Variants in RNF115 observed in about 807,000 individuals in gnomAD.
The protein encoded by RNF115 is E3 ubiquitin-protein ligase RNF115.
RNF115 carries 31 observed loss-of-function variants against 39.2 expected under a neutral mutation model. The ratio of observed to expected loss-of-function variants is 0.79; its 90% CI spans 0.59 to 1.07. The LOEUF is 1.07. Ranked by LOEUF, RNF115 falls within the 50% of genes least tolerant of loss-of-function variation. The probability of loss-of-function intolerance (pLI) is 0.00; values close to 1 mark genes in which losing one functional copy is unlikely to be tolerated. For missense variants in RNF115, 384 were observed against 381.7 expected (o/e 1.01, Z -0.05); for synonymous variants, 124 against 131.0 (o/e 0.95, Z 0.37).
chr1:145,781,313 A>C (rs1648137878), intron 3 of RNF115, among the ~76,000 whole-genome samples: 1 of 152,212 alleles, frequency 6.6e-6, no homozygotes, highest in Admixed American at 6.5e-5. Context: ...AAAATAGAGC[A>C]AAACTGAGCA....
At chr1:145,796,099 A>G (rs1313056278) in intron 1 of RNF115, among the ~76,000 whole-genome samples, 1 of 152,218 alleles carries the variant, frequency 6.6e-6, no homozygotes, top group Non-Finnish European at 1.5e-5. Context: ...ATGATACTCT[A>G]AAGTTATTAT....
At chr1:145,752,906 AC>A in intron 5 of RNF115, 71 bp downstream of exon 5, 1 of 1,100,136 alleles carries the variant, frequency 9.1e-7, no homozygotes. Flanking sequence ...CTTTTTCTCT[AC>A]TGCACAGAAA....
rs1314521373 is a variant in RNF115, at chr1:145,743,077, C to T, written c.*3789G>A. ...TATACATGTATCATTTCTGTTTTTC[C>T]TCATTGTGATGGTTAATCTTATGTG... On this transcript the variant is annotated 3_prime_UTR_variant, in exon 9 of 9. Coordinates refer to ENST00000582693, the MANE Select transcript of RNF115 (RefSeq NM_014455.4). 4 of 152,156 alleles carry T rather than the reference C, an allele frequency of 2.6e-5. No individual in the cohort carries two copies. The highest frequency in any genetic ancestry group is 6.5e-5 in the Admixed American group (1 of 15,276). The allele number at this position is 152,156 out of a possible 1,614,324, so 9.4% of individuals were successfully genotyped here.
chr1:145,785,545 G>A (rs1648340900), intron 2 of RNF115, among the ~76,000 whole-genome samples: 1 of 152,126 alleles, frequency 6.6e-6, no homozygotes, highest in South Asian at 2.1e-4. Context: ...TCCGGGAAGA[G>A]GGGATGGAAA....
intron 4 of RNF115, among the ~76,000 whole-genome samples, chr1:145,764,336 C>G (rs1318361899): frequency 6.6e-6 from 1 of 152,198 alleles, no homozygotes; most frequent in Non-Finnish European, 1.5e-5. Context: ...TGGCCGACAC[C>G]CCGTCTGGGA....
rs186266765 is a variant in RNF115, at chr1:145,743,348, C to T, written c.*3518G>A. 4.1e-4 allele frequency: 62 copies of T among 152,398 alleles called. No individual in the cohort carries two copies. Among genetic ancestry groups the T allele is most frequent in the African/African-American group, 1.5e-3 (62 of 41,558 alleles). The allele number at this position is 152,398 out of a possible 1,614,324, so 9.4% of individuals were successfully genotyped here. On this transcript the variant is annotated 3_prime_UTR_variant, in exon 9 of 9. Transcript: ENST00000582693. ...GTCTTTTCCTGCCTCTGAACTGGAACAGAAACATCAGCTCTTCTAGGGTAT... is the reference window on the plus strand; with the variant it reads ...GTCTTTTCCTGCCTCTGAACTGGAATAGAAACATCAGCTCTTCTAGGGTAT...
rs587607691 is a variant in RNF115, at chr1:145,797,153, C to T, written c.103-8187G>A. ...GCTTCCTGTTGACCAACTTCTCTTCCTTATCTCTCCCTAATTCCTATTTTC... is the reference window on the plus strand; with the variant it reads ...GCTTCCTGTTGACCAACTTCTCTTCTTTATCTCTCCCTAATTCCTATTTTC... On this transcript the variant is annotated intron_variant, in intron 1 of 8. Coordinates refer to ENST00000582693, the MANE Select transcript of RNF115 (RefSeq NM_014455.4). Among the ~76,000 whole-genome samples, 22 of 152,260 alleles carry T rather than the reference C, an allele frequency of 1.4e-4. No individual in the cohort carries two copies. The South Asian group carries it at 4.4e-3, about 30-fold the overall frequency.
intron 1 of RNF115, among the ~76,000 whole-genome samples, chr1:145,814,331 A>G (rs1259175608): frequency 1.3e-5 from 2 of 152,078 alleles, no homozygotes; most frequent in African/African-American, 4.8e-5. Context: ...CCTGAAATTG[A>G]AAACCACTGC....
At chr1:145,784,447 T>C (rs1188735600) in intron 3 of RNF115, 92 bp downstream of exon 3, 5 of 1,132,286 alleles carry the variant, frequency 4.4e-6, no homozygotes, top group Non-Finnish European at 5.4e-6. Flanking sequence ...AGTTAAACTC[T>C]GATGTTGTGC....
At chr1:145,816,850 C>A in intron 1 of RNF115, among the ~76,000 whole-genome samples, 1 of 111,784 alleles carries the variant, frequency 8.9e-6, no homozygotes, top group East Asian at 2.8e-4. Context: ...CTCACTGTAA[C>A]CTCAAATATC....
intron 4 of RNF115, among the ~76,000 whole-genome samples, chr1:145,762,667 A>AT (rs1205257853): frequency 6.6e-6 from 1 of 151,566 alleles, no homozygotes; most frequent in Non-Finnish European, 1.5e-5. Context: ...ACCAAAACAA[A>AT]TTTTTTTTAA....
At chr1:145,789,629 C>G (rs1305038322) in intron 1 of RNF115, among the ~76,000 whole-genome samples, 3 of 151,300 alleles carry the variant, frequency 2.0e-5, no homozygotes, top group Non-Finnish European at 4.4e-5. Flanking sequence ...AACTCCCGAC[C>G]TCAGCTGAAC....
intron 2 of RNF115, chr1:145,786,931 G>A (rs1571752696): frequency 1.9e-6 from 1 of 534,570 alleles, no homozygotes; most frequent in East Asian, 6.8e-5. Flanking sequence ...TAGATCCCAT[G>A]CCACATATTG....
At position 145,784,564 on chromosome 1, in the gene RNF115, T is replaced by C; in HGVS notation, c.194A>G (p.Asn65Ser). 2 of 1,614,018 alleles carry C rather than the reference T, an allele frequency of 1.2e-6. No homozygotes were observed. The highest frequency in any genetic ancestry group is 1.7e-6 in the Non-Finnish European group (2 of 1,179,914). The change falls in exon 3 of 9, where the codon AAT becomes AGT. Residue 65 changes from asparagine to serine, a missense_variant. Asn to Ser is a conservative substitution (Grantham distance 46). Coordinates refer to ENST00000582693, the MANE Select transcript of RNF115 (RefSeq NM_014455.4). ...FLGGGGSRID[N>S]TTTTHFAELW... ...CTCTGCAAAATGTGTTGTTGTGGTA[T>C]TGTCTATCCGACTGCCGCCACCACC...
intron 3 of RNF115, chr1:145,772,268 T>C (rs587754890): frequency 8.8e-4 from 160 of 181,186 alleles, no homozygotes; most frequent in Non-Finnish European, 3.7e-4. Flanking sequence ...TGATTTTCCA[T>C]TGTGGGGCTT....
intron 1 of RNF115, among the ~76,000 whole-genome samples, chr1:145,822,306 G>A (rs1650295509): frequency 8.2e-6 from 1 of 121,378 alleles, no homozygotes. Context: ...ATAGACAGAG[G>A]CTGTCTCAAA....
chr1:145,794,502 CTTTTT>C (rs57242475), intron 1 of RNF115, among the ~76,000 whole-genome samples: 2 of 81,098 alleles, frequency 2.5e-5, no homozygotes, highest in South Asian at 4.9e-4. Flanking sequence ...TAATCTCTTT[CTTTTT>C]TTTTTTTTTT....
chr1:145,784,460 C>A, intron 3 of RNF115, 79 bp downstream of exon 3: 1 of 1,243,162 alleles, frequency 8.0e-7, no homozygotes, highest in Non-Finnish European at 1.2e-6. Context: ...TGTTGTGCCA[C>A]ACTGGAAAGT....
chr1:145,813,446 T>C (rs1420926672), intron 1 of RNF115, among the ~76,000 whole-genome samples: 4 of 152,148 alleles, frequency 2.6e-5, no homozygotes, highest in Admixed American at 6.6e-5. Context: ...GATTTCCAGC[T>C]GTCTTACTAA....
Sources: gnomAD v4.1 joint callset for allele counts (sites outside exome capture counted in the v4.1 genomes callset) on GRCh38, gnomAD v4.1.1 for gene constraint, MANE v1.5 for transcripts, NCBI Gene and HGNC (gene_info 2026-07-23, HGNC 2026-07-21) for gene names.